Variants in ELMO1 observed in about 807,000 individuals in gnomAD.
ELMO1 encodes engulfment and cell motility protein 1.
A neutral mutation model predicts 98.9 loss-of-function variants in ELMO1; 26 were observed. The observed-to-expected ratio is 0.26, with a 90% CI of 0.19 to 0.36. The LOEUF (loss-of-function observed/expected upper bound fraction) is 0.36, where lower values mean the gene tolerates loss of function less well. Ranked by LOEUF, ELMO1 falls within the 10% of genes least tolerant of loss-of-function variation. ELMO1 has a pLI of 1.00. For missense variants in ELMO1, 627 were observed against 935.2 expected (o/e 0.67, Z 4.30); for synonymous variants, 346 against 346.0 (o/e 1.00, Z 0.00).
At chr7:37,013,513 C>T in intron 15 of ELMO1, 78 bp from the exon 16 acceptor site, 1 of 1,516,948 alleles carries the variant, frequency 6.6e-7, no homozygotes, top group Non-Finnish European at 9.0e-7. Flanking sequence ...GGTATGTGCC[C>T]CAAAGGGAGA....
At chr7:37,105,750 A>G (rs926762227) in intron 14 of ELMO1, among the ~76,000 whole-genome samples, 6 of 152,248 alleles carry the variant, frequency 3.9e-5, no homozygotes, top group Non-Finnish European at 7.3e-5. Context: ...AGTAGACAAA[A>G]AAGAAATAAA....
chr7:37,071,120 G>A (rs1368905376), intron 15 of ELMO1, among the ~76,000 whole-genome samples: 1 of 151,978 alleles, frequency 6.6e-6, no homozygotes, highest in Non-Finnish European at 1.5e-5. Context: ...CTAAAGAACT[G>A]TACATCAAAA....
At chr7:36,944,898 G>C (rs1787348046) in intron 16 of ELMO1, among the ~76,000 whole-genome samples, 1 of 152,200 alleles carries the variant, frequency 6.6e-6, no homozygotes, top group South Asian at 2.1e-4. Context: ...CACCAGAAAA[G>C]CAAAGGAGCC....
At chr7:37,040,305 C>T (rs1219472832) in intron 15 of ELMO1, among the ~76,000 whole-genome samples, 1 of 152,110 alleles carries the variant, frequency 6.6e-6, no homozygotes, top group Non-Finnish European at 1.5e-5. Flanking sequence ...TTCCTGATTA[C>T]CCCCAGGGGT....
At chr7:36,879,841 G>A (rs765974124) in intron 18 of ELMO1, among the ~76,000 whole-genome samples, 2 of 152,244 alleles carry the variant, frequency 1.3e-5, no homozygotes, top group Admixed American at 6.5e-5. Flanking sequence ...TTTTCTGGGA[G>A]AGCATTTCAA....
At chr7:37,205,720 C>T (rs1432150342) in intron 13 of ELMO1, among the ~76,000 whole-genome samples, 1 of 152,140 alleles carries the variant, frequency 6.6e-6, no homozygotes, top group Non-Finnish European at 1.5e-5. Flanking sequence ...TCAGCTGGAA[C>T]ATCTGAGTTG....
intron 8 of ELMO1, among the ~76,000 whole-genome samples, chr7:37,226,338 C>T (rs2130571124): frequency 6.6e-6 from 1 of 152,312 alleles, no homozygotes; most frequent in Admixed American, 6.5e-5. Flanking sequence ...GACATGTTTA[C>T]TATCCTTGGC....
chr7:37,442,257 T>C (rs1185187741), intron 1 of ELMO1, among the ~76,000 whole-genome samples: 2 of 152,120 alleles, frequency 1.3e-5, no homozygotes, highest in South Asian at 2.1e-4. Flanking sequence ...GTCAGTAAAA[T>C]GGCCAACAGC....
intron 16 of ELMO1, among the ~76,000 whole-genome samples, chr7:36,915,119 G>T (rs962129903): frequency 6.6e-6 from 1 of 151,992 alleles, no homozygotes; most frequent in Non-Finnish European, 1.5e-5. Flanking sequence ...AGAGATGGGG[G>T]TCTTGTTATG....
At chr7:36,955,372 T>C (rs1202429097) in intron 16 of ELMO1, among the ~76,000 whole-genome samples, 2 of 152,206 alleles carry the variant, frequency 1.3e-5, no homozygotes, top group African/African-American at 4.8e-5. Context: ...ACAGAATCTA[T>C]TTTCAAGCAC....
At chr7:37,315,244 GAA>G (rs924843020) in intron 3 of ELMO1, among the ~76,000 whole-genome samples, 27 of 152,216 alleles carry the variant, frequency 1.8e-4, no homozygotes, top group African/African-American at 6.5e-4. Context: ...AGCAAAGAAA[GAA>G]AAACAAAGAA....
chr7:37,202,979 G>T (rs960396458), intron 13 of ELMO1, among the ~76,000 whole-genome samples: 2 of 152,142 alleles, frequency 1.3e-5, no homozygotes, highest in Admixed American at 1.3e-4. Flanking sequence ...CTGCTGATCG[G>T]AATAGTTGTG....
intron 16 of ELMO1, among the ~76,000 whole-genome samples, chr7:36,998,711 T>C (rs17170820): frequency 0.011 from 1,605 of 152,156 alleles, 42 homozygotes; most frequent in East Asian, 0.07. Flanking sequence ...TTTGTCAAAA[T>C]CAGTGACTTT....
At chr7:37,214,831 G>A (rs992106752) in intron 11 of ELMO1, among the ~76,000 whole-genome samples, 8 of 152,126 alleles carry the variant, frequency 5.3e-5, no homozygotes, top group African/African-American at 1.9e-4. Flanking sequence ...TACCAACCTC[G>A]AACTTCAGCC....
At chr7:37,119,766 G>A (rs1243575419) in intron 14 of ELMO1, among the ~76,000 whole-genome samples, 3 of 152,062 alleles carry the variant, frequency 2.0e-5, no homozygotes, top group African/African-American at 4.8e-5. Flanking sequence ...ACAACTGCAC[G>A]AAAACATTGT....
chr7:36,998,740 C>G (rs1345215432), intron 16 of ELMO1, among the ~76,000 whole-genome samples: 2 of 151,946 alleles, frequency 1.3e-5, no homozygotes, highest in Non-Finnish European at 2.9e-5. Context: ...AAGAGGTTTT[C>G]AAGGACTGAC....
chr7:37,415,727 T>C (rs988806923), intron 1 of ELMO1, among the ~76,000 whole-genome samples: 4 of 152,202 alleles, frequency 2.6e-5, no homozygotes, highest in African/African-American at 9.7e-5. Flanking sequence ...CAAAGATATA[T>C]CAGGGCTTCA....
chr7:37,393,102 G>T (rs1370966241), intron 1 of ELMO1, among the ~76,000 whole-genome samples: 1 of 152,160 alleles, frequency 6.6e-6, no homozygotes, highest in African/African-American at 2.4e-5. Context: ...ACTTGTCCAT[G>T]AGGAAAAGTC....
At chr7:36,911,548 T>A (rs1784344021) in intron 16 of ELMO1, among the ~76,000 whole-genome samples, 1 of 152,140 alleles carries the variant, frequency 6.6e-6, no homozygotes, top group African/African-American at 2.4e-5. Context: ...AAGGTATGAT[T>A]AGGAAGAAGA....
Sources: gnomAD v4.1 joint callset for allele counts (sites outside exome capture counted in the v4.1 genomes callset) on GRCh38, gnomAD v4.1.1 for gene constraint, MANE v1.5 for transcripts, NCBI Gene and HGNC (gene_info 2026-07-23, HGNC 2026-07-21) for gene names.